The following COL17A1 variants were observed in gnomAD, a reference collection of about 807,000 sequenced individuals.
COL17A1 encodes collagen alpha-1(XVII) chain.
In COL17A1, 181 loss-of-function variants were observed where a neutral mutation model predicts 218.4. The ratio of observed to expected loss-of-function variants is 0.83; its 90% CI spans 0.73 to 0.94. The LOEUF is 0.94. Ranked by LOEUF, COL17A1 falls within the 40% of genes least tolerant of loss-of-function variation. COL17A1 has a pLI of 0.00. For synonymous variants in COL17A1, 721 were observed against 731.0 expected (o/e 0.99, Z 0.22); for missense variants, 1,924 against 1,945.9 (o/e 0.99, Z 0.21).
chr10:104,032,374 A>T, intron 55 of COL17A1, 84 bp from the exon 56 acceptor site: 1 of 1,148,786 alleles, frequency 8.7e-7, no homozygotes. Context: ...GGCAACCGTG[A>T]CTACTGCAAA....
chr10:104,039,832 C>T, intron 41 of COL17A1, 141 bp downstream of exon 41: 4 of 1,315,102 alleles, frequency 3.0e-6, no homozygotes, highest in Non-Finnish European at 4.4e-6. Context: ...TGCACACACT[C>T]AACCATTCCT....
At chr10:104,074,051 C>T in intron 6 of COL17A1, 133 bp downstream of exon 6, 1 of 1,402,324 alleles carries the variant, frequency 7.1e-7, no homozygotes, top group South Asian at 1.2e-5. Flanking sequence ...AAAAATAGGT[C>T]AGCAGGGGTC....
intron 25 of COL17A1, among the ~76,000 whole-genome samples, 191 bp downstream of exon 25, chr10:104,051,290 G>A (rs964707799): frequency 6.6e-6 from 1 of 152,210 alleles, no homozygotes; most frequent in African/African-American, 2.4e-5. Flanking sequence ...CAGGTCAGAA[G>A]GGATCTGGAC....
chr10:104,079,246 C>G (rs1432985885), intron 2 of COL17A1, among the ~76,000 whole-genome samples: 2 of 152,136 alleles, frequency 1.3e-5, no homozygotes, highest in African/African-American at 4.8e-5. Flanking sequence ...GAATCCATCA[C>G]TCATGCTCTG....
chr10:104,047,076 G>A (rs372347564), intron 31 of COL17A1, among the ~76,000 whole-genome samples: 42 of 152,152 alleles, frequency 2.8e-4, no homozygotes, highest in African/African-American at 9.7e-4. Context: ...CAACACTCAC[G>A]GATCCCAATG....
At chr10:104,077,964 CT>C (rs906636031) in intron 3 of COL17A1, among the ~76,000 whole-genome samples, 7 of 152,212 alleles carry the variant, frequency 4.6e-5, no homozygotes, top group African/African-American at 1.7e-4. Flanking sequence ...CTCTGTGTTG[CT>C]GGTGTTCCAC....
At position 104,061,183 on chromosome 10, in the gene COL17A1, C is replaced by T. The variant is rs536904443; in HGVS notation, c.979+222G>A. Among the ~76,000 whole-genome samples the T allele has an allele frequency of 1.3e-4, 20 of 152,296 alleles. 1 individual carries two copies. In the South Asian group the frequency reaches 4.1e-3, roughly 32 times the overall value. ...TATGGAGGGTGGAGCTTCCTGCCCC[C>T]TTCTGATAGGAACATTCATGGGAAT... On this transcript the variant is annotated intron_variant, in intron 13 of 55. Transcript: ENST00000648076.
rs766298218 is a variant in COL17A1 at position 104,050,905 on chromosome 10, C to G, written c.2039-4G>C. 1.1e-5 allele frequency: 18 copies of G among 1,614,022 alleles called. No individual in the cohort carries two copies. Among genetic ancestry groups the G allele is most frequent in the Non-Finnish European group, 1.5e-5 (18 of 1,180,046 alleles). The stretch of plus-strand genomic sequence containing the variant: ...AGCCCTTGGAGACCTACAGGACCTG[C>G]CCGGCAGAAGAAACCATGCACACAG... On this transcript the variant is annotated splice_region_variant and splice_polypyrimidine_tract_variant and intron_variant, in intron 25 of 55. Transcript: ENST00000648076.
chr10:104,038,229 C>T (rs1564672560), intron 45 of COL17A1, among the ~76,000 whole-genome samples, 177 bp downstream of exon 45: 12 of 94,700 alleles, frequency 1.3e-4, no homozygotes. Flanking sequence ...CATAGACACA[C>T]ATACACACAC....
In COL17A1 at chr10:104,034,662, T is replaced by C; in HGVS notation, c.3725A>G (p.Asn1242Ser). ...SGALATYAAENSDSFRSELIS... is the reference protein window; with the variant it reads ...SGALATYAAESSDSFRSELIS... ...CAGCTCGCTCCGGAAGCTGTCGCTG[T>C]TTTCAGCTGCATAGGTTGCCAGGGC... Residue 1242 changes from asparagine to serine, a missense_variant, in exon 51 of 56, where the codon AAC (asparagine) becomes AGC (serine). Transcript: ENST00000648076. 1.2e-6 allele frequency: 2 copies of C among 1,610,218 alleles called. No individual in the cohort carries two copies. Among genetic ancestry groups the C allele is most frequent in the Non-Finnish European group, 1.7e-6 (2 of 1,178,648 alleles).
Position 104,057,191 on chromosome 10 carries a change from A to G in COL17A1, c.1268-19T>C. ...TGGATATCTGTGAAAGAGACAGGGA[A>G]AATGAAGCAAATGCAGGCAGCTCCT... On this transcript the variant is annotated intron_variant, in intron 16 of 55. Coordinates refer to ENST00000648076, the MANE Select transcript of COL17A1 (RefSeq NM_000494.4). 2 of 1,613,934 alleles carry G rather than the reference A, an allele frequency of 1.2e-6. No homozygotes were observed. The highest frequency in any genetic ancestry group is 1.1e-5 in the South Asian group (1 of 91,078).
intron 43 of COL17A1, 123 bp from the exon 44 acceptor site, chr10:104,039,244 A>G: frequency 9.3e-7 from 1 of 1,069,746 alleles, no homozygotes. Flanking sequence ...CCTTTTTGTA[A>G]TAATACCACA....
Position 104,053,024 on chromosome 10 carries a change from C to T in COL17A1, c.1939+7G>A, listed in dbSNP as rs369628110. ...CTAACTCTGCCGGTGAAGGAATTGC[C>T]TCTTACCTCTTTCCCCTTTCTCTCC... On this transcript the variant is annotated splice_region_variant and intron_variant, in intron 23 of 55. Coordinates refer to ENST00000648076, the MANE Select transcript of COL17A1 (RefSeq NM_000494.4). 1 of 1,614,028 alleles carries T rather than the reference C, an allele frequency of 6.2e-7. No homozygotes were observed. The highest frequency in any genetic ancestry group is 1.3e-5 in the African/African-American group (1 of 74,924).
intron 28 of COL17A1, 119 bp from the exon 29 acceptor site, chr10:104,049,590 C>A: frequency 9.5e-7 from 1 of 1,055,222 alleles, no homozygotes; most frequent in South Asian, 1.3e-5. Flanking sequence ...ATTCCAAGGT[C>A]AGGGCCACTT....
chr10:104,031,422 T>C lies in COL17A1; in HGVS notation c.*813A>G, dbSNP rs1002656037. ...GCGCCCAGTCCCCCAAGTGCCATTTTCTGAGTGCAGAATGGAGGGTGACGT... is the reference window on the plus strand; with the variant it reads ...GCGCCCAGTCCCCCAAGTGCCATTTCCTGAGTGCAGAATGGAGGGTGACGT... On this transcript the variant is annotated 3_prime_UTR_variant, in exon 56 of 56. Coordinates refer to ENST00000648076, the MANE Select transcript of COL17A1 (RefSeq NM_000494.4). 1 of 152,636 alleles carries C rather than the reference T, an allele frequency of 6.6e-6. No individual in the cohort carries two copies. Among genetic ancestry groups the C allele is most frequent in the African/African-American group, 2.4e-5 (1 of 41,466 alleles). The allele number at this position is 152,636 out of a possible 1,614,324, so 9.5% of individuals were successfully genotyped here.
intron 9 of COL17A1, among the ~76,000 whole-genome samples, chr10:104,066,845 G>A (rs2086630396): frequency 6.6e-6 from 1 of 152,232 alleles, no homozygotes; most frequent in Admixed American, 6.5e-5. Context: ...TGTCTAATAT[G>A]TACCCTCTTA....
Position 104,036,121 on chromosome 10 carries a change from A to AGTGTGAGTATGG in COL17A1, c.3418+370_3418+371insCCATACTCACAC, listed in dbSNP as rs1564671362. ...GTGTATGGGAGTGTGTGTGTATGGG[A>AGTGTGAGTATGG]GTGTGTGTATATGTGTGTGTATGGG... On this transcript the variant is annotated intron_variant, in intron 48 of 55. Transcript: ENST00000648076. Among the ~76,000 whole-genome samples the AGTGTGAGTATGG allele has an allele frequency of 8.7e-3, 7 of 802 alleles. 3 individuals carry two copies. The highest frequency in any genetic ancestry group is 0.014 in the Non-Finnish European group (4 of 286). 0.5% of individuals were successfully genotyped at this position (802 alleles called of 152,430 possible).
chr10:104,072,082 G>A lies in COL17A1; in HGVS notation c.416-3C>T. On this transcript the variant is annotated splice_polypyrimidine_tract_variant and splice_region_variant and intron_variant, in intron 7 of 55. Coordinates refer to ENST00000648076, the MANE Select transcript of COL17A1 (RefSeq NM_000494.4). ...CAGTCGAACTCGAATTTCACTCTCT[G>A]TACAAGGGAAGAGATAGAGAAGGGT... The A allele has an allele frequency of 2.5e-6, 4 of 1,614,110 alleles. No homozygotes were observed. Among genetic ancestry groups the A allele is most frequent in the Non-Finnish European group, 3.4e-6 (4 of 1,180,020 alleles).
chr10:104,050,214 A>G, intron 27 of COL17A1, 90 bp from the exon 28 acceptor site: 1 of 1,573,300 alleles, frequency 6.4e-7, no homozygotes, highest in South Asian at 1.1e-5. Context: ...GCTGCAGGGT[A>G]GTTCTCACTG....
Sources: gnomAD v4.1 joint callset for allele counts (sites outside exome capture counted in the v4.1 genomes callset) on GRCh38, gnomAD v4.1.1 for gene constraint, MANE v1.5 for transcripts, NCBI Gene and HGNC (gene_info 2026-07-23, HGNC 2026-07-21) for gene names.